TRIM2: variants seen among roughly 807,000 people sequenced by gnomAD.
The protein encoded by TRIM2 is tripartite motif-containing protein 2.
A neutral mutation model predicts 75.2 loss-of-function variants in TRIM2; 20 were observed. That is an observed-to-expected ratio of 0.27 (90% confidence interval 0.19 to 0.39). The LOEUF is 0.39. TRIM2 is among the 10% of genes least tolerant of loss of function. The pLI is 1.00. For synonymous variants in TRIM2, 373 were observed against 388.3 expected (o/e 0.96, Z 0.46); for missense variants, 660 against 990.8 (o/e 0.67, Z 4.48).
At chr4:153,305,016 G>C (rs1764687840) in intron 6 of TRIM2, among the ~76,000 whole-genome samples, 2 of 152,212 alleles carry the variant, frequency 1.3e-5, no homozygotes, top group South Asian at 4.1e-4. Context: ...TAAGGGCCAG[G>C]ATTTAGAGTG....
At chr4:153,302,760 C>T (rs1057015273) in intron 6 of TRIM2, among the ~76,000 whole-genome samples, 5 of 152,196 alleles carry the variant, frequency 3.3e-5, no homozygotes, top group Non-Finnish European at 5.9e-5. Flanking sequence ...ATTTTATCTT[C>T]CCTCAAAAAC....
intron 9 of TRIM2, 29 bp downstream of exon 9, chr4:153,322,845 C>A (rs745790988): frequency 1.2e-6 from 2 of 1,612,210 alleles, no homozygotes; most frequent in Non-Finnish European, 1.7e-6. Flanking sequence ...TGTAAACCCC[C>A]TTTTTTATGC....
intron 1 of TRIM2, among the ~76,000 whole-genome samples, chr4:153,188,634 T>G (rs1158282208): frequency 6.6e-6 from 1 of 151,862 alleles, no homozygotes; most frequent in African/African-American, 2.4e-5. Context: ...TGAGCATCCT[T>G]GGAAGGGATG....
At chr4:153,185,753 C>T (rs1019745809) in intron 1 of TRIM2, among the ~76,000 whole-genome samples, 3 of 152,240 alleles carry the variant, frequency 2.0e-5, no homozygotes, top group East Asian at 3.9e-4. Context: ...GCTGGGGAGA[C>T]AGGACATACA....
chr4:153,265,231 G>A (rs186273126), intron 1 of TRIM2, among the ~76,000 whole-genome samples: 1 of 150,598 alleles, frequency 6.6e-6, no homozygotes, highest in East Asian at 1.9e-4. Context: ...GCATGGCTCT[G>A]ATTATTTCAA....
intron 1 of TRIM2, chr4:153,257,768 T>G: frequency 2.2e-6 from 1 of 461,402 alleles, no homozygotes; most frequent in Non-Finnish European, 4.1e-6. Flanking sequence ...CAGAAATGGG[T>G]AGGTCCTAAA....
rs532120191 is a variant in TRIM2, at chr4:153,288,776, C to CT, written c.454-4194dup. ...TCTTAGGTTTTGTTACTTTTTCTTC[C>CT]TTTTTTTTTTTTCCTGCCTCACAGA... On this transcript the variant is annotated intron_variant, in intron 3 of 11. Transcript: ENST00000338700. Among the ~76,000 whole-genome samples, 85 of 144,690 alleles carry CT rather than the reference C, an allele frequency of 5.9e-4. 2 individuals are homozygous for CT. Among genetic ancestry groups the CT allele is most frequent in the East Asian group, 3.6e-3 (18 of 4,996 alleles). 94.9% of individuals were successfully genotyped at this position (144,690 alleles called of 152,430 possible).
At chr4:153,287,761 T>C (rs138218501) in intron 3 of TRIM2, among the ~76,000 whole-genome samples, 3 of 152,230 alleles carry the variant, frequency 2.0e-5, no homozygotes, top group African/African-American at 7.2e-5. Flanking sequence ...AATTATAGAT[T>C]ATGCTGTTTT....
intron 1 of TRIM2, among the ~76,000 whole-genome samples, chr4:153,229,214 A>G (rs1251992394): frequency 6.6e-6 from 1 of 152,188 alleles, no homozygotes; most frequent in Non-Finnish European, 1.5e-5. Flanking sequence ...TGTAGTCCAC[A>G]TATATTGTTT....
rs1772381325 is a variant in TRIM2 at position 153,335,786 on chromosome 4, A to G, written c.*820A>G. On this transcript the variant is annotated 3_prime_UTR_variant, in exon 12 of 12. Transcript: ENST00000338700. The stretch of plus-strand genomic sequence containing the variant: ...GCACTGGAATGTAATCAAGAAAGTT[A>G]GTCATGTTTTATGTACCATGTTTTC... The G allele has an allele frequency of 1.0e-6, 1 of 985,624 alleles. No homozygotes were observed. Among genetic ancestry groups the G allele is most frequent in the Non-Finnish European group, 1.2e-6 (1 of 829,942 alleles). 61.1% of individuals were successfully genotyped at this position (985,624 alleles called of 1,614,324 possible).
At chr4:153,240,725 A>G (rs1023210927) in intron 1 of TRIM2, among the ~76,000 whole-genome samples, 1 of 152,228 alleles carries the variant, frequency 6.6e-6, no homozygotes, top group African/African-American at 2.4e-5. Flanking sequence ...ATAACCATGT[A>G]AATATATTAT....
chr4:153,260,712 A>C (rs1753287131), intron 1 of TRIM2, among the ~76,000 whole-genome samples: 6 of 60,888 alleles, frequency 9.9e-5, no homozygotes, highest in Non-Finnish European at 1.3e-4. Flanking sequence ...ACACACACAC[A>C]CACACACACA....
In TRIM2 at chr4:153,295,773, A is replaced by G. The variant is rs753255668; in HGVS notation, c.1247A>G (p.Tyr416Cys). ...GEILDNKNGT[Y>C]EFLYTVQKEG... Reference sequence around the variant, plus strand: ...ATCCTGGACAACAAGAACGGCACCTATGAGTTTTTGTACACTGTCCAGAAG... The same window carrying G: ...ATCCTGGACAACAAGAACGGCACCTGTGAGTTTTTGTACACTGTCCAGAAG... The change falls in exon 6 of 12, where the codon TAT becomes TGT. Residue 416 changes from tyrosine to cysteine, a missense_variant. Tyr to Cys is a radical substitution (Grantham distance 194). This residue lies in a region of TRIM2 where 620 missense variants were observed against 891.0 expected (regional missense o/e 0.70). Transcript: ENST00000338700. This position sits in a 1 kb window ranked among gnomAD's most constrained non-coding sequence, Gnocchi z 7.2. 6.2e-7 allele frequency: 1 copy of G among 1,614,016 alleles called. No individual in the cohort carries two copies. Among genetic ancestry groups the G allele is most frequent in the East Asian group, 2.2e-5 (1 of 44,864 alleles).
chr4:153,252,921 C>A (rs1751210941), intron 1 of TRIM2, among the ~76,000 whole-genome samples: 1 of 152,340 alleles, frequency 6.6e-6, no homozygotes, highest in African/African-American at 2.4e-5. Context: ...CATATTATGT[C>A]ATTTGTTCAT....
rs541391261 is a variant in TRIM2 at position 153,180,882 on chromosome 4, A to G, written c.-49+27612A>G. On this transcript the variant is annotated intron_variant, in intron 1 of 11. Coordinates refer to the TRIM2 transcript ENST00000437508. ...CTCCATCCACCCATCCATTCATACT[A>G]TAAATATCTATTAAGTGCCTGCTTG... is the stretch of plus-strand genomic sequence containing the variant. Among the ~76,000 whole-genome samples the G allele has an allele frequency of 3.3e-5, 5 of 152,332 alleles. No individual in the cohort carries two copies. In the South Asian group the frequency reaches 1.0e-3, roughly 32 times the overall value.
intron 1 of TRIM2, among the ~76,000 whole-genome samples, chr4:153,166,514 TTTCCTTCC>T (rs538452595): frequency 3.1e-5 from 2 of 65,322 alleles, no homozygotes; most frequent in Non-Finnish European, 9.8e-5. Context: ...CCTCTTTTCT[TTTCCTTCC>T]TTCCTTCCTT....
intron 1 of TRIM2, among the ~76,000 whole-genome samples, chr4:153,211,749 CA>C (rs1462395272): frequency 6.6e-6 from 1 of 152,026 alleles, no homozygotes; most frequent in African/African-American, 2.4e-5. Context: ...CTGGGCCTCC[CA>C]AAGTGCGGGA....
intron 10 of TRIM2, among the ~76,000 whole-genome samples, chr4:153,327,550 C>T (rs1193990895): frequency 6.6e-6 from 1 of 152,188 alleles, no homozygotes; most frequent in Admixed American, 6.5e-5. Flanking sequence ...GGCATCATGA[C>T]AATGGAAGTT....
At chr4:153,332,087 C>T (rs1012503557) in intron 11 of TRIM2, among the ~76,000 whole-genome samples, 5 of 152,074 alleles carry the variant, frequency 3.3e-5, no homozygotes, top group Non-Finnish European at 5.9e-5. Context: ...AAGAGAAAAT[C>T]TTTGGGACCT....
Sources: allele counts gnomAD v4.1 joint callset (sites outside exome capture counted in the v4.1 genomes callset), GRCh38; gene constraint gnomAD v4.1.1; regional missense constraint gnomAD v4.1.1; non-coding constraint Gnocchi (gnomAD v3.1); transcripts MANE v1.5; gene names NCBI Gene and HGNC (gene_info 2026-07-23, HGNC 2026-07-21).